Variants in LRRTM4 observed in about 807,000 individuals in gnomAD.
LRRTM4 encodes the protein leucine-rich repeat transmembrane neuronal protein 4.
LRRTM4 carries 25 observed loss-of-function variants against 47.6 expected under a neutral mutation model. The observed-to-expected ratio is 0.53, with a 90% CI of 0.38 to 0.73. The LOEUF (loss-of-function observed/expected upper bound fraction) is 0.73, where lower values mean the gene tolerates loss of function less well. Among genes scored for constraint, LRRTM4 ranks in the 30% least tolerant of loss-of-function variants. The pLI, the probability that LRRTM4 is intolerant of heterozygous loss-of-function variation, is 0.00. For synonymous variants in LRRTM4, 311 were observed against 269.5 expected, an observed-to-expected ratio of 1.15 and a Z score of -1.51; for missense variants, 638 against 713.4, an observed-to-expected ratio of 0.89 and a Z score of 1.20.
chr2:76,762,974 AAG>A (rs760775029), intron 3 of LRRTM4, among the ~76,000 whole-genome samples: 1 of 152,214 alleles, frequency 6.6e-6, no homozygotes, highest in Non-Finnish European at 1.5e-5. Flanking sequence ...ACTGACGGAA[AAG>A]AGAGAACTAA....
chr2:77,022,758 G>A (rs923124856), intron 3 of LRRTM4, among the ~76,000 whole-genome samples: 1 of 152,180 alleles, frequency 6.6e-6, no homozygotes. Flanking sequence ...GGGCAGCTCT[G>A]CCCCTGTGGC....
At chr2:76,974,424 GATTAT>G (rs914559728) in intron 3 of LRRTM4, among the ~76,000 whole-genome samples, 45 of 150,658 alleles carry the variant, frequency 3.0e-4, no homozygotes, top group African/African-American at 6.3e-4. Context: ...ACTATGCACT[GATTAT>G]ATTATTATTG....
At chr2:77,207,908 T>C (rs1400481704) in intron 3 of LRRTM4, among the ~76,000 whole-genome samples, 1 of 108,526 alleles carries the variant, frequency 9.2e-6, no homozygotes, top group Non-Finnish European at 2.0e-5. Flanking sequence ...GATGTAGTCT[T>C]GCTTTTTTCA....
intron 3 of LRRTM4, among the ~76,000 whole-genome samples, chr2:76,921,171 G>T (rs572075445): frequency 1.3e-5 from 2 of 152,086 alleles, no homozygotes; most frequent in South Asian, 4.1e-4. Context: ...GTGCTTCTTG[G>T]CTATGACAGT....
At chr2:76,842,588 A>G (rs1286815316) in intron 3 of LRRTM4, among the ~76,000 whole-genome samples, 4 of 152,338 alleles carry the variant, frequency 2.6e-5, no homozygotes, top group South Asian at 2.1e-4. Context: ...TAGAAAGCCT[A>G]TATATTAAGA....
chr2:77,471,983 C>A (rs920465531), intron 3 of LRRTM4, among the ~76,000 whole-genome samples: 5 of 152,134 alleles, frequency 3.3e-5, no homozygotes, highest in Non-Finnish European at 5.9e-5. Context: ...CATAAGCCTG[C>A]ATAGAGCTGT....
At chr2:77,111,283 A>ATTTTTTTTTTTTTTTT (rs71381260) in intron 3 of LRRTM4, among the ~76,000 whole-genome samples, 12 of 113,128 alleles carry the variant, frequency 1.1e-4, no homozygotes, top group Middle Eastern at 4.9e-3. Flanking sequence ...ACACCTGGCT[A>ATTTTTTTTTTTTTTTT]TTTTTTTTTT....
intron 3 of LRRTM4, among the ~76,000 whole-genome samples, chr2:76,769,307 C>A (rs982810447): frequency 3.9e-5 from 6 of 152,010 alleles, no homozygotes; most frequent in Non-Finnish European, 8.8e-5. Context: ...TGTTCTTATT[C>A]CCAATCACAT....
intron 3 of LRRTM4, among the ~76,000 whole-genome samples, chr2:76,874,109 T>C (rs1044728362): frequency 5.3e-5 from 8 of 151,792 alleles, no homozygotes; most frequent in Non-Finnish European, 8.8e-5. Flanking sequence ...AGGTAATGTC[T>C]GCTTTTTTTT....
intron 3 of LRRTM4, among the ~76,000 whole-genome samples, chr2:77,013,025 A>AC (rs1415131033): frequency 6.6e-6 from 1 of 152,222 alleles, no homozygotes; most frequent in Non-Finnish European, 1.5e-5. Flanking sequence ...AGCATGAACA[A>AC]CAGGATGAGT....
chr2:77,222,314 A>C (rs1558640702), intron 3 of LRRTM4, among the ~76,000 whole-genome samples: 1 of 152,222 alleles, frequency 6.6e-6, no homozygotes, highest in Non-Finnish European at 1.5e-5. Flanking sequence ...AGCAAGAGCA[A>C]ACACATTCAA....
chr2:77,468,931 G>A (rs1254487812), intron 3 of LRRTM4, among the ~76,000 whole-genome samples: 1 of 152,150 alleles, frequency 6.6e-6, no homozygotes, highest in Non-Finnish European at 1.5e-5. Flanking sequence ...GAATATCTTA[G>A]AATAACCTAA....
At position 77,189,705 on chromosome 2, in the gene LRRTM4, T is replaced by TG. The variant is rs528818463; in HGVS notation, c.1551+328612_1551+328613insC. Among the ~76,000 whole-genome samples, 327 of 152,238 alleles carry TG rather than the reference T, an allele frequency of 2.1e-3. 2 individuals carry two copies. Among genetic ancestry groups the TG allele is most frequent in the African/African-American group, 7.4e-3 (309 of 41,554 alleles). Reference sequence around the variant, plus strand: ...TGTTGTTTAAGTCACTAGTCTATGCTAATTTGTTATAGAAGCCTGAACTTA... The same window carrying TG: ...TGTTGTTTAAGTCACTAGTCTATGCTGAATTTGTTATAGAAGCCTGAACTTA... On this transcript the variant is annotated intron_variant, in intron 3 of 3. Transcript: ENST00000409884.
At chr2:76,806,265 C>T (rs1573141156) in intron 3 of LRRTM4, among the ~76,000 whole-genome samples, 1 of 152,066 alleles carries the variant, frequency 6.6e-6, no homozygotes, top group African/African-American at 2.4e-5. Flanking sequence ...TCATTTTGAA[C>T]ATCTTAAACC....
chr2:77,174,154 T>C (rs1447780024), intron 3 of LRRTM4, among the ~76,000 whole-genome samples: 1 of 152,094 alleles, frequency 6.6e-6, no homozygotes, highest in Admixed American at 6.6e-5. Context: ...ATCCTGCCCG[T>C]GCACTCCTCC....
chr2:77,467,509 A>T (rs1677025463), intron 3 of LRRTM4, among the ~76,000 whole-genome samples: 1 of 152,202 alleles, frequency 6.6e-6, no homozygotes, highest in South Asian at 2.1e-4. Flanking sequence ...ACACATACTC[A>T]CTTACACATT....
At chr2:77,292,614 G>A (rs1279695421) in intron 3 of LRRTM4, among the ~76,000 whole-genome samples, 8 of 146,208 alleles carry the variant, frequency 5.5e-5, no homozygotes, top group Admixed American at 3.6e-4. Context: ...ACCAAACACC[G>A]CATAGTCTCA....
chr2:76,899,638 C>A (rs150396248), intron 3 of LRRTM4, among the ~76,000 whole-genome samples: 100 of 151,834 alleles, frequency 6.6e-4, no homozygotes, highest in African/African-American at 2.4e-3. Flanking sequence ...GGAGGAAAGG[C>A]AGGAAAAAGT....
intron 3 of LRRTM4, among the ~76,000 whole-genome samples, chr2:76,949,433 T>C (rs182026844): frequency 8.2e-4 from 124 of 152,030 alleles, no homozygotes; most frequent in Non-Finnish European, 1.5e-3. Flanking sequence ...CCTGTTCTAC[T>C]AGGGAATGGA....
Sources: allele counts gnomAD v4.1 joint callset (sites outside exome capture counted in the v4.1 genomes callset), GRCh38; gene constraint gnomAD v4.1.1; transcripts MANE v1.5; gene names NCBI Gene and HGNC (gene_info 2026-07-23, HGNC 2026-07-21).